WSCD2: variants seen among roughly 807,000 people sequenced by gnomAD.
The protein encoded by WSCD2 is sialate:O-sulfotransferase 2.
Under a neutral mutation model 55.7 loss-of-function variants are expected in WSCD2, and 28 were observed. The observed-to-expected ratio is 0.50, with a 90% CI of 0.37 to 0.69. WSCD2 has a LOEUF of 0.69. WSCD2 is among the 30% of genes least tolerant of loss of function. The pLI is 0.00. For missense variants in WSCD2, 616 were observed against 762.1 expected, an observed-to-expected ratio of 0.81 and a Z score of 2.26; for synonymous variants, 301 against 301.9, an observed-to-expected ratio of 1.00 and a Z score of 0.03.
chr12:108,218,257 G>T (rs1887077641), intron 4 of WSCD2, among the ~76,000 whole-genome samples: 1 of 152,244 alleles, frequency 6.6e-6, no homozygotes, highest in Non-Finnish European at 1.5e-5. Context: ...CCATGTGAAG[G>T]AGAGTTCCCC....
intron 1 of WSCD2, chr12:108,189,340 C>A (rs1052086562): frequency 6.6e-6 from 1 of 152,212 alleles, no homozygotes; most frequent in African/African-American, 2.4e-5. Context: ...GAGAAATACA[C>A]ACTGCAGAGT....
chr12:108,246,343 C>T (rs969442411), intron 8 of WSCD2, among the ~76,000 whole-genome samples: 4 of 152,238 alleles, frequency 2.6e-5, no homozygotes, highest in Admixed American at 6.5e-5. Context: ...TCACCACCCT[C>T]GTTCAATAAA....
At chr12:108,236,346 C>T (rs905897941) in intron 7 of WSCD2, among the ~76,000 whole-genome samples, 4 of 152,298 alleles carry the variant, frequency 2.6e-5, no homozygotes, top group Admixed American at 2.6e-4. Context: ...ACCTGCTCTT[C>T]CCTCAGTCTG....
chr12:108,130,832 CCA>C (rs1875429239), intron 1 of WSCD2, among the ~76,000 whole-genome samples: 1 of 152,086 alleles, frequency 6.6e-6, no homozygotes, highest in African/African-American at 2.4e-5. Flanking sequence ...ATTCTCATCC[CCA>C]CACTCTAGGC....
chr12:108,248,929 G>A lies in WSCD2; in HGVS notation c.*586G>A, dbSNP rs915345656. 1.0e-6 allele frequency: 1 copy of A among 986,732 alleles called. No homozygotes were observed. Among genetic ancestry groups the A allele is most frequent in the African/African-American group, 1.7e-5 (1 of 57,230 alleles). The allele number at this position is 986,732 out of a possible 1,614,324, so 61.1% of individuals were successfully genotyped here. On this transcript the variant is annotated 3_prime_UTR_variant, in exon 9 of 9. Coordinates refer to ENST00000547525, the MANE Select transcript of WSCD2 (RefSeq NM_014653.4). This position sits in a 1 kb window ranked among gnomAD's most constrained non-coding sequence, Gnocchi z 4.3. Reference sequence around the variant, plus strand: ...ATCCTGGATAGTGTGGGGAGGTAATGGTGCTCACAGTAGGTTAATTGGAGA... The same window carrying A: ...ATCCTGGATAGTGTGGGGAGGTAATAGTGCTCACAGTAGGTTAATTGGAGA...
At chr12:108,161,567 C>A (rs1003623242) in intron 1 of WSCD2, among the ~76,000 whole-genome samples, 1 of 152,156 alleles carries the variant, frequency 6.6e-6, no homozygotes, top group African/African-American at 2.4e-5. Context: ...CTCTCACAGC[C>A]CCCAGAGGGA....
intron 2 of WSCD2, among the ~76,000 whole-genome samples, chr12:108,204,874 A>G (rs1410526290): frequency 6.6e-6 from 1 of 152,262 alleles, no homozygotes; most frequent in African/African-American, 2.4e-5. Context: ...AAGCAAGGAA[A>G]GAAGCTCAGT....
At chr12:108,136,793 C>T (rs1017286871) in intron 1 of WSCD2, among the ~76,000 whole-genome samples, 1 of 151,770 alleles carries the variant, frequency 6.6e-6, no homozygotes, top group Non-Finnish European at 1.5e-5. Context: ...TGCACGGTTT[C>T]AGGAACTCCT....
intron 1 of WSCD2, among the ~76,000 whole-genome samples, chr12:108,133,477 A>C (rs1875836203): frequency 6.6e-6 from 1 of 152,046 alleles, no homozygotes; most frequent in Non-Finnish European, 1.5e-5. Flanking sequence ...CACATCTCTG[A>C]GGGTGTGTCT....
Position 108,195,735 on chromosome 12 carries a change from G to A in WSCD2, c.-98G>A, listed in dbSNP as rs1200944788. 6.7e-7 allele frequency: 1 copy of A among 1,483,312 alleles called. No homozygotes were observed. The highest frequency in any genetic ancestry group is 1.4e-5 in the African/African-American group (1 of 70,914). 91.9% of individuals were successfully genotyped at this position (1,483,312 alleles called of 1,614,324 possible). A position where few individuals can be genotyped will look rare whatever the true frequency, so the allele number is the denominator to read the frequency against. On this transcript the variant is annotated 5_prime_UTR_variant, in exon 2 of 9. Coordinates refer to ENST00000547525, the MANE Select transcript of WSCD2 (RefSeq NM_014653.4). ...AGAGTGAGACTGAGGACCCCCAAGT[G>A]TTCCATCCCTAAGGAAAGCTTGGGA...
rs904365868 is a variant in WSCD2, at chr12:108,226,859, G to C, written c.805-131G>C. 3.7e-6 allele frequency: 4 copies of C among 1,094,866 alleles called. No individual in the cohort carries two copies. In the African/African-American group the frequency reaches 4.8e-5, roughly 13 times the overall value. 67.8% of individuals were successfully genotyped at this position (1,094,866 alleles called of 1,614,324 possible). A position where few individuals can be genotyped will look rare whatever the true frequency, so the allele number is the denominator to read the frequency against. ...AGCAGGGTTTGTGGATGGAATTTGG[G>C]GACCCTCAAGTTAAGGGAGACTGAC... On this transcript the variant is annotated intron_variant, in intron 5 of 8. Transcript: ENST00000547525.
chr12:108,145,059 C>A (rs1877244351), intron 1 of WSCD2, among the ~76,000 whole-genome samples: 1 of 152,200 alleles, frequency 6.6e-6, no homozygotes, highest in Non-Finnish European at 1.5e-5. Context: ...CCAGGCCCAG[C>A]TCTGCTACTC....
At chr12:108,236,090 T>C (rs1212812086) in intron 7 of WSCD2, among the ~76,000 whole-genome samples, 1 of 152,238 alleles carries the variant, frequency 6.6e-6, no homozygotes, top group Non-Finnish European at 1.5e-5. Context: ...GCACTGGAGA[T>C]TTGCACGTGC....
intron 1 of WSCD2, among the ~76,000 whole-genome samples, chr12:108,158,167 A>T (rs1878705912): frequency 6.6e-6 from 1 of 152,168 alleles, no homozygotes; most frequent in African/African-American, 2.4e-5. Context: ...TCAATAATTT[A>T]TGCTAATGCT....
chr12:108,167,805 GT>G (rs771770750), intron 1 of WSCD2, among the ~76,000 whole-genome samples: 1 of 152,332 alleles, frequency 6.6e-6, no homozygotes, highest in Non-Finnish European at 1.5e-5. Context: ...ACCAATCGCT[GT>G]GGTAGGAGAG....
In WSCD2 at chr12:108,224,768, C is replaced by T. The variant is rs747481971; in HGVS notation, c.712C>T (p.Arg238Cys). 45 of 1,613,272 alleles carry T rather than the reference C, an allele frequency of 2.8e-5. No individual in the cohort carries two copies. The highest frequency in any genetic ancestry group is 3.6e-5 in the Non-Finnish European group (42 of 1,180,044). The change falls in exon 5 of 9, where the codon CGC (arginine) becomes TGC (cysteine). Residue 238 changes from arginine to cysteine, a missense_variant. Transcript: ENST00000547525. ...YGSAVFRGCF[R>C]RPDNLSLALP... The stretch of plus-strand genomic sequence containing the variant: ...AAGTGCAGTGTTCCGGGGCTGCTTC[C>T]GCAGGCCCGACAACCTTTCCCTGGC...
chr12:108,242,923 C>G (rs560914423), intron 8 of WSCD2, among the ~76,000 whole-genome samples: 1 of 152,330 alleles, frequency 6.6e-6, no homozygotes, highest in Admixed American at 6.5e-5. Flanking sequence ...TATTGGGGGC[C>G]TGGGGTCCCA....
chr12:108,236,257 T>G (rs1889257647), intron 7 of WSCD2, among the ~76,000 whole-genome samples: 1 of 152,198 alleles, frequency 6.6e-6, no homozygotes, highest in South Asian at 2.1e-4. Flanking sequence ...GAAGCATGTA[T>G]CAGATGGGTG....
At chr12:108,143,844 C>T (rs1877109745) in intron 1 of WSCD2, among the ~76,000 whole-genome samples, 1 of 152,152 alleles carries the variant, frequency 6.6e-6, no homozygotes, top group Admixed American at 6.5e-5. Flanking sequence ...GTCAGTTTAT[C>T]AGCGGAAAGC....
Sources: gnomAD v4.1 joint callset for allele counts (sites outside exome capture counted in the v4.1 genomes callset) on GRCh38, gnomAD v4.1.1 for gene constraint, Gnocchi (gnomAD v3.1) non-coding constraint, MANE v1.5 for transcripts, NCBI Gene and HGNC (gene_info 2026-07-23, HGNC 2026-07-21) for gene names.